The following PIK3C2G variants were observed in gnomAD, a reference collection of about 807,000 sequenced individuals.
PIK3C2G encodes phosphatidylinositol 3-kinase C2 domain-containing subunit gamma.
In PIK3C2G, 168 loss-of-function variants were observed where a neutral mutation model predicts 181.1. The ratio of observed to expected loss-of-function variants is 0.93; its 90% CI spans 0.82 to 1.05. PIK3C2G has a LOEUF of 1.05. Ranked by LOEUF, PIK3C2G falls within the 50% of genes least tolerant of loss-of-function variation. The probability of loss-of-function intolerance (pLI) is 0.00; values close to 1 mark genes in which losing one functional copy is unlikely to be tolerated. For missense variants in PIK3C2G, 1,869 were observed against 1,732.8 expected, an observed-to-expected ratio of 1.08 and a Z score of -1.40; for synonymous variants, 573 against 592.2, an observed-to-expected ratio of 0.97 and a Z score of 0.47.
chr12:18,298,241 T>C (rs936726250), intron 5 of PIK3C2G, among the ~76,000 whole-genome samples: 42 of 151,920 alleles, frequency 2.8e-4, no homozygotes, highest in African/African-American at 8.9e-4. Context: ...TAAAACAATA[T>C]CTCATTGTTG....
intron 3 of PIK3C2G, among the ~76,000 whole-genome samples, chr12:18,290,067 T>C (rs150771894): frequency 0.013 from 1,986 of 152,330 alleles, 46 homozygotes; most frequent in African/African-American, 0.044. Context: ...GTAAATCTTT[T>C]ACATGTCTTT....
chr12:18,268,402 T>G (rs952922853), intron 1 of PIK3C2G, among the ~76,000 whole-genome samples: 5 of 152,128 alleles, frequency 3.3e-5, no homozygotes, highest in African/African-American at 1.2e-4. Context: ...TTATTATTAT[T>G]ATTATTCTAA....
chr12:18,474,717 G>C (rs1440801632), intron 18 of PIK3C2G, among the ~76,000 whole-genome samples: 1 of 151,992 alleles, frequency 6.6e-6, no homozygotes, highest in Non-Finnish European at 1.5e-5. Context: ...TACTAACATA[G>C]AGGAAAATAC....
intron 1 of PIK3C2G, among the ~76,000 whole-genome samples, chr12:18,255,916 C>T (rs1184617437): frequency 6.6e-6 from 1 of 151,674 alleles, no homozygotes; most frequent in Admixed American, 6.6e-5. Flanking sequence ...CCATGATTAT[C>T]GAGGAAGAAT....
chr12:18,701,410 G>T, the PIK3C2G span: 4 of 1,590,026 alleles, frequency 2.5e-6, no homozygotes, highest in South Asian at 1.1e-5. Flanking sequence ...GAAGGAAAAT[G>T]ATTTTTCTCC....
chr12:18,497,552 G>A, intron 21 of PIK3C2G, 67 bp from the exon 22 acceptor site: 2 of 1,301,984 alleles, frequency 1.5e-6, no homozygotes, highest in South Asian at 2.7e-5. Flanking sequence ...GACATGTACT[G>A]TATTTGACTG....
the PIK3C2G span, among the ~76,000 whole-genome samples, chr12:18,686,065 C>T: frequency 6.6e-6 from 1 of 151,976 alleles, no homozygotes; most frequent in African/African-American, 2.4e-5. Flanking sequence ...GCTAAATCAT[C>T]TTAAAATTCT....
chr12:18,696,325 T>TATATATATATATATATATATATATATAG, the PIK3C2G span: 1 of 49,078 alleles, frequency 2.0e-5, no homozygotes, highest in Non-Finnish European at 5.7e-5. Context: ...AAAGCCACTA[T>TATATATATATATATATATATATATATAG]ATATATATAT....
chr12:18,321,253 T>C (rs1490039008), intron 7 of PIK3C2G, among the ~76,000 whole-genome samples: 1 of 152,212 alleles, frequency 6.6e-6, no homozygotes, highest in Non-Finnish European at 1.5e-5. Context: ...CTAACATTCA[T>C]TTAAAAAAAT....
At chr12:18,294,198 TTTATA>T (rs1417133353) in intron 5 of PIK3C2G, among the ~76,000 whole-genome samples, 183 bp downstream of exon 5, 2 of 152,092 alleles carry the variant, frequency 1.3e-5, no homozygotes, top group Non-Finnish European at 2.9e-5. Context: ...TATTCTTGAT[TTTATA>T]TTATGACTAC....
chr12:18,612,942 A>ATATG (rs1948416027), intron 31 of PIK3C2G, among the ~76,000 whole-genome samples: 1 of 152,128 alleles, frequency 6.6e-6, no homozygotes, highest in South Asian at 2.1e-4. Context: ...AAGCATCACA[A>ATATG]TATGATTCAC....
At chr12:18,650,692 GTGTGTGTGTGTGTATATATCTATATATA>G (rs1565602284), downstream of PIK3C2G, among the ~76,000 whole-genome samples, 14 of 38,656 alleles carry the variant, frequency 3.6e-4, no homozygotes, top group Admixed American at 4.7e-4. Flanking sequence ...GTGTGTGTGT[GTGTGTGTGTGTGTATATATCTATATATA>G]TATATATATA....
At chr12:18,624,248 T>C (rs577665343) in intron 31 of PIK3C2G, among the ~76,000 whole-genome samples, 1 of 151,858 alleles carries the variant, frequency 6.6e-6, no homozygotes, top group South Asian at 2.1e-4. Context: ...TAAAAGAATG[T>C]TGAATTTAAT....
chr12:18,269,981 C>A (rs1407249001), intron 1 of PIK3C2G, among the ~76,000 whole-genome samples: 1 of 146,228 alleles, frequency 6.8e-6, no homozygotes, highest in Non-Finnish European at 1.5e-5. Context: ...GAGATCTTAG[C>A]TCACTGCAAC....
chr12:18,357,558 T>C (rs1296694208), intron 11 of PIK3C2G, among the ~76,000 whole-genome samples: 2 of 152,208 alleles, frequency 1.3e-5, no homozygotes, highest in African/African-American at 4.8e-5. Context: ...ACATTAGAAG[T>C]TTATACAAAA....
the PIK3C2G span, among the ~76,000 whole-genome samples, chr12:18,706,374 A>AT: frequency 6.6e-6 from 1 of 152,202 alleles, no homozygotes; most frequent in African/African-American, 2.4e-5. Flanking sequence ...ATATTTAGAG[A>AT]TTTTAAAAAG....
At chr12:18,699,903 A>G in the PIK3C2G span, 1 of 1,612,572 alleles carries the variant, frequency 6.2e-7, no homozygotes, top group Non-Finnish European at 8.5e-7. Context: ...CAGCTTTCGT[A>G]TAAATGACAA....
rs139709562 is a variant in PIK3C2G at position 18,323,105 on chromosome 12, G to C, written c.1209-1930G>C. Reference sequence around the variant, plus strand: ...CCAAGGCTGTGAGAAGAGAGTGAGAGAAGGAGGCTTTCATTCTGTTCTTGT... The same window carrying C: ...CCAAGGCTGTGAGAAGAGAGTGAGACAAGGAGGCTTTCATTCTGTTCTTGT... On this transcript the variant is annotated intron_variant, in intron 7 of 32. Transcript: ENST00000538779. 3.9e-5 allele frequency among the ~76,000 whole-genome samples: 6 copies of C among 152,300 alleles called. No homozygotes were observed. In the East Asian group the frequency reaches 1.2e-3, roughly 29 times the overall value.
intron 31 of PIK3C2G, among the ~76,000 whole-genome samples, chr12:18,627,583 C>T (rs1248937025): frequency 6.6e-6 from 1 of 152,094 alleles, no homozygotes; most frequent in Non-Finnish European, 1.5e-5. Flanking sequence ...AGTAGGTGAC[C>T]TCCTATTCTG....
Sources: allele counts gnomAD v4.1 joint callset (sites outside exome capture counted in the v4.1 genomes callset), GRCh38; gene constraint gnomAD v4.1.1; transcripts MANE v1.5; gene names NCBI Gene and HGNC (gene_info 2026-07-23, HGNC 2026-07-21).